C21orf91: variants seen among roughly 807,000 people sequenced by gnomAD.
C21orf91 encodes the protein chromosome 21 open reading frame 91.
Under a neutral mutation model 32.9 loss-of-function variants are expected in C21orf91, and 26 were observed. That is an observed-to-expected ratio of 0.79 (90% CI 0.58 to 1.10). The LOEUF is 1.10. Among genes scored for constraint, C21orf91 ranks in the 50% least tolerant of loss-of-function variants. The pLI is 0.00. For synonymous variants in C21orf91, 126 were observed against 120.4 expected (o/e 1.05, Z -0.31); for missense variants, 310 against 341.3 (o/e 0.91, Z 0.72).
At chr21:17,807,828 G>A (rs2062608151) in intron 2 of C21orf91, among the ~76,000 whole-genome samples, 1 of 152,204 alleles carries the variant, frequency 6.6e-6, no homozygotes, top group African/African-American at 2.4e-5. Flanking sequence ...AAATTTCTAA[G>A]CAGTAAAGTG....
chr21:17,806,811 G>C (rs966187232), intron 2 of C21orf91, among the ~76,000 whole-genome samples: 28 of 152,078 alleles, frequency 1.8e-4, no homozygotes, highest in African/African-American at 6.8e-4. Flanking sequence ...CTGCACTCCA[G>C]CCTGGGCAAC....
chr21:17,810,111 T>C (rs1600887059), intron 2 of C21orf91, among the ~76,000 whole-genome samples: 1 of 152,196 alleles, frequency 6.6e-6, no homozygotes, highest in Admixed American at 6.5e-5. Context: ...ACCAGAACTG[T>C]GGTTAACATT....
intron 2 of C21orf91, among the ~76,000 whole-genome samples, chr21:17,817,011 G>A (rs573256300): frequency 1.3e-5 from 2 of 152,128 alleles, no homozygotes; most frequent in East Asian, 3.9e-4. Flanking sequence ...TAGAGATGGG[G>A]TCTTGCTATG....
chr21:17,813,859 G>C (rs1404778467), intron 2 of C21orf91: 2 of 152,180 alleles, frequency 1.3e-5, no homozygotes, highest in Admixed American at 6.5e-5. Context: ...TTTTAGCTAG[G>C]TGTAAGGTGA....
At chr21:17,818,386 C>G in intron 1 of C21orf91, 61 bp from the exon 2 acceptor site, 1 of 1,394,964 alleles carries the variant, frequency 7.2e-7, no homozygotes, top group Non-Finnish European at 9.8e-7. Context: ...GGGGTAGTTC[C>G]CTTTACTGGG....
At chr21:17,794,040 A>G (rs1196159870) in intron 4 of C21orf91, among the ~76,000 whole-genome samples, 1 of 152,176 alleles carries the variant, frequency 6.6e-6, no homozygotes, top group Admixed American at 6.5e-5. Context: ...TTTGGTTTCA[A>G]TTTCCTTTTC....
In C21orf91 at chr21:17,795,189, T is replaced by C. The variant is rs78736108; in HGVS notation, c.727+19A>G. On this transcript the variant is annotated intron_variant, in intron 4 of 4. Transcript: ENST00000284881. ...TCAAAATTTGTCACACACAAAAAAG[T>C]ACTGACAGTGATTCTTACCCTGGAT... is the stretch of plus-strand genomic sequence containing the variant. 3,272 of 1,562,556 alleles carry C rather than the reference T, an allele frequency of 2.1e-3. 104 individuals are homozygous for C. In the East Asian group the frequency reaches 0.065, roughly 31 times the overall value.
intron 2 of C21orf91, among the ~76,000 whole-genome samples, chr21:17,807,371 TC>T (rs1224315327): frequency 6.6e-6 from 1 of 152,150 alleles, no homozygotes; most frequent in African/African-American, 2.4e-5. Flanking sequence ...TTCTGAGGCC[TC>T]CCCAGCTATG....
At chr21:17,812,662 A>G (rs920159976) in intron 2 of C21orf91, among the ~76,000 whole-genome samples, 2 of 152,142 alleles carry the variant, frequency 1.3e-5, no homozygotes, top group African/African-American at 4.8e-5. Context: ...ACAAAAAATT[A>G]GCCAGGCATG....
rs111445821 is a variant in C21orf91 at position 17,801,565 on chromosome 21, C to T, written c.128-4447G>A. 2.0e-3 allele frequency among the ~76,000 whole-genome samples: 300 copies of T among 151,994 alleles called. 1 individual carries two copies. The highest frequency in any genetic ancestry group is 6.5e-3 in the African/African-American group (270 of 41,442). On this transcript the variant is annotated intron_variant, in intron 2 of 4. Transcript: ENST00000284881. ...GATTACAGGCTTGAGCCACCGTGCC[C>T]GGCCCGTATGTTCTTATTCATAAGT...
intron 2 of C21orf91, among the ~76,000 whole-genome samples, chr21:17,813,235 GA>G (rs2062644367): frequency 6.6e-6 from 1 of 152,196 alleles, no homozygotes; most frequent in African/African-American, 2.4e-5. Context: ...GTTAGTGTCA[GA>G]AGCAGGACAT....
intron 2 of C21orf91, among the ~76,000 whole-genome samples, chr21:17,799,649 A>G (rs1251011253): frequency 1.3e-5 from 2 of 152,138 alleles, no homozygotes; most frequent in South Asian, 2.1e-4. Flanking sequence ...CATTTCCCCT[A>G]AGAAGCCTTG....
intron 2 of C21orf91, among the ~76,000 whole-genome samples, chr21:17,806,521 TGGA>T: frequency 7.0e-6 from 1 of 143,050 alleles, no homozygotes; most frequent in African/African-American, 2.7e-5. Context: ...AAAAAAAAAA[TGGA>T]GGAGAGGGTA....
chr21:17,798,798 T>C (rs1568750592), intron 2 of C21orf91, among the ~76,000 whole-genome samples: 1 of 152,240 alleles, frequency 6.6e-6, no homozygotes, highest in Non-Finnish European at 1.5e-5. Context: ...TTACGCATTT[T>C]AGATAATAAG....
chr21:17,803,200 G>C (rs1224670535), intron 2 of C21orf91, among the ~76,000 whole-genome samples: 1 of 152,200 alleles, frequency 6.6e-6, no homozygotes, highest in African/African-American at 2.4e-5. Flanking sequence ...AAATGTATTT[G>C]TGCAACAATA....
At chr21:17,816,363 T>C (rs1375969508) in intron 2 of C21orf91, among the ~76,000 whole-genome samples, 1 of 152,130 alleles carries the variant, frequency 6.6e-6, no homozygotes, top group African/African-American at 2.4e-5. Flanking sequence ...ATTACGAAAA[T>C]TTAGGGTTCT....
intron 2 of C21orf91, among the ~76,000 whole-genome samples, chr21:17,805,818 A>G (rs1372886499): frequency 6.6e-6 from 1 of 152,216 alleles, no homozygotes; most frequent in Non-Finnish European, 1.5e-5. Flanking sequence ...AAGTGAATGT[A>G]CTGACATTTA....
At chr21:17,819,036 A>G (rs893079540) in intron 1 of C21orf91, 1 of 152,150 alleles carries the variant, frequency 6.6e-6, no homozygotes, top group African/African-American at 2.4e-5. Flanking sequence ...CCCAGAGGGA[A>G]GAAAGCGTCC....
At chr21:17,818,465 T>C (rs1004747350) in intron 1 of C21orf91, 140 bp from the exon 2 acceptor site, 4 of 672,606 alleles carry the variant, frequency 5.9e-6, no homozygotes, top group Non-Finnish European at 1.0e-5. Context: ...AGCATCGCCA[T>C]ACTTGCACTC....
Sources: gnomAD v4.1 joint callset for allele counts (sites outside exome capture counted in the v4.1 genomes callset) on GRCh38, gnomAD v4.1.1 for gene constraint, MANE v1.5 for transcripts, NCBI Gene and HGNC (gene_info 2026-07-23, HGNC 2026-07-21) for gene names.